Variants in MAGI2 observed in about 807,000 individuals in gnomAD.
MAGI2 encodes membrane associated guanylate kinase, WW and PDZ domain containing 2.
In MAGI2, 35 loss-of-function variants were observed where a neutral mutation model predicts 133.3. That is an observed-to-expected ratio of 0.26 (90% CI 0.20 to 0.35). MAGI2 has a LOEUF of 0.35. Among genes scored for constraint, MAGI2 ranks in the 10% least tolerant of loss-of-function variants. The pLI is 1.00. For synonymous variants in MAGI2, 729 were observed against 710.6 expected, an observed-to-expected ratio of 1.03 and a Z score of -0.41; for missense variants, 1,636 against 1,863.4, an observed-to-expected ratio of 0.88 and a Z score of 2.25.
intron 9 of MAGI2, among the ~76,000 whole-genome samples, chr7:78,338,960 C>G (rs1378741703): frequency 1.5e-4 from 23 of 151,252 alleles, no homozygotes; most frequent in Non-Finnish European, 1.5e-5. Context: ...GCCTGGGCAA[C>G]ATAGTGAGAC....
At chr7:78,577,657 G>C (rs1359193062) in intron 3 of MAGI2, among the ~76,000 whole-genome samples, 3 of 149,322 alleles carry the variant, frequency 2.0e-5, no homozygotes, top group African/African-American at 7.4e-5. Flanking sequence ...TCTCTGGCGG[G>C]CAGGAGTCGG....
At position 78,343,857 on chromosome 7, in the gene MAGI2, T is replaced by C. The variant is rs747090863; in HGVS notation, c.1329A>G (p.Gly443=). The C allele has an allele frequency of 1.2e-6, 2 of 1,613,520 alleles. No homozygotes were observed. Among genetic ancestry groups the C allele is most frequent in the Non-Finnish European group, 1.7e-6 (2 of 1,179,750 alleles). The change falls in exon 9 of 22, where the codon GGA becomes GGG. Residue 443 remains glycine, a synonymous_variant. Coordinates refer to ENST00000354212, the MANE Select transcript of MAGI2 (RefSeq NM_012301.4). The part of the protein sequence containing the change: ...NMGFGFTIIG[G]DEPDEFLQVK... Reference sequence around the variant, plus strand: ...CCTGCAGAAACTCATCAGGCTCGTCTCCACCAATGATGGTAAATCCAAAGC... The same window carrying C: ...CCTGCAGAAACTCATCAGGCTCGTCCCCACCAATGATGGTAAATCCAAAGC...
intron 1 of MAGI2, among the ~76,000 whole-genome samples, chr7:79,048,207 T>C (rs943912858): frequency 3.3e-5 from 5 of 152,294 alleles, no homozygotes; most frequent in African/African-American, 9.6e-5. Context: ...ATAATTCTAC[T>C]AGCAACTGGT....
At chr7:79,417,908 C>CA (rs1397001553) in intron 1 of MAGI2, among the ~76,000 whole-genome samples, 3 of 151,966 alleles carry the variant, frequency 2.0e-5, no homozygotes, top group African/African-American at 7.2e-5. Flanking sequence ...TGACAGATAT[C>CA]AAAAATTCTA....
intron 2 of MAGI2, among the ~76,000 whole-genome samples, chr7:78,920,006 C>T (rs1799105435): frequency 6.6e-6 from 1 of 152,084 alleles, no homozygotes; most frequent in Non-Finnish European, 1.5e-5. Context: ...TTTTGGTACT[C>T]TTACAAGAAG....
At chr7:79,132,076 TAAG>T (rs562648508) in intron 1 of MAGI2, among the ~76,000 whole-genome samples, 263 of 152,276 alleles carry the variant, frequency 1.7e-3, no homozygotes, top group African/African-American at 6.0e-3. Context: ...CAATTCAAAT[TAAG>T]AATATTAATT....
At chr7:79,326,950 T>C (rs1187694224) in intron 1 of MAGI2, among the ~76,000 whole-genome samples, 1 of 152,202 alleles carries the variant, frequency 6.6e-6, no homozygotes, top group Non-Finnish European at 1.5e-5. Context: ...CGAAAGAAGA[T>C]GTTTTCACTC....
chr7:79,396,118 A>T (rs189289689), intron 1 of MAGI2, among the ~76,000 whole-genome samples: 11 of 152,172 alleles, frequency 7.2e-5, no homozygotes, highest in Admixed American at 6.5e-4. Flanking sequence ...GCTAGCATTC[A>T]CCAAAGATCT....
intron 2 of MAGI2, among the ~76,000 whole-genome samples, chr7:78,634,674 T>G (rs1485314430): frequency 9.9e-5 from 15 of 152,224 alleles, no homozygotes; most frequent in Admixed American, 5.2e-4. Context: ...TAATTACAGT[T>G]GCTTTTGCAA....
rs372695305 is a variant in MAGI2, at chr7:78,566,025, A to G, written c.539-44380T>C. ...AACAGTGTGTAAAGATAACTATTCCAGGAAGCAATCATCAGGCTGAAAATG... is the reference window on the plus strand; with the variant it reads ...AACAGTGTGTAAAGATAACTATTCCGGGAAGCAATCATCAGGCTGAAAATG... On this transcript the variant is annotated intron_variant, in intron 3 of 21. Transcript: ENST00000354212. Among the ~76,000 whole-genome samples the G allele has an allele frequency of 7.2e-5, 11 of 152,338 alleles. No individual in the cohort carries two copies. In the East Asian group the frequency reaches 1.7e-3, roughly 24 times the overall value.
At chr7:78,050,595 C>A (rs1811906818) in intron 21 of MAGI2, among the ~76,000 whole-genome samples, 1 of 152,180 alleles carries the variant, frequency 6.6e-6, no homozygotes, top group Admixed American at 6.5e-5. Context: ...AGAGAGAAAG[C>A]AGGGGAATTG....
chr7:78,602,561 G>A (rs893499219), intron 3 of MAGI2, among the ~76,000 whole-genome samples: 4 of 152,038 alleles, frequency 2.6e-5, no homozygotes, highest in African/African-American at 9.7e-5. Context: ...CAAAATTGAG[G>A]TAGAAATGCT....
At chr7:79,075,468 T>C (rs1815377445) in intron 1 of MAGI2, among the ~76,000 whole-genome samples, 1 of 152,116 alleles carries the variant, frequency 6.6e-6, no homozygotes, top group Non-Finnish European at 1.5e-5. Flanking sequence ...GTGAATATAA[T>C]TATATCATTA....
chr7:78,790,374 G>T (rs960202541), intron 2 of MAGI2, among the ~76,000 whole-genome samples: 1 of 152,062 alleles, frequency 6.6e-6, no homozygotes, highest in Admixed American at 6.6e-5. Flanking sequence ...AGCAAAAGGG[G>T]TTCATAAAAG....
At chr7:79,422,552 A>C (rs1017314426) in intron 1 of MAGI2, among the ~76,000 whole-genome samples, 5 of 152,060 alleles carry the variant, frequency 3.3e-5, no homozygotes, top group Admixed American at 2.0e-4. Flanking sequence ...AAGCTGTCCT[A>C]AGCATTCCAC....
chr7:78,169,094 C>A (rs1418609727), intron 14 of MAGI2, among the ~76,000 whole-genome samples: 1 of 152,192 alleles, frequency 6.6e-6, no homozygotes, highest in African/African-American at 2.4e-5. Flanking sequence ...TTATAATTCC[C>A]TGAACCAGGG....
chr7:79,318,981 G>T (rs2129561424), intron 1 of MAGI2, among the ~76,000 whole-genome samples: 1 of 152,162 alleles, frequency 6.6e-6, no homozygotes, highest in Admixed American at 6.5e-5. Context: ...TTGCTTGGGA[G>T]CTGCTATTCG....
intron 1 of MAGI2, among the ~76,000 whole-genome samples, chr7:79,191,779 C>T (rs561897068): frequency 6.6e-6 from 1 of 151,698 alleles, no homozygotes; most frequent in East Asian, 1.9e-4. Flanking sequence ...AATCCATACT[C>T]CCCTTTTCTA....
chr7:78,559,319 A>C (rs957981473), intron 3 of MAGI2, among the ~76,000 whole-genome samples: 2 of 149,652 alleles, frequency 1.3e-5, no homozygotes, highest in Non-Finnish European at 3.0e-5. Flanking sequence ...TGACTTGTGT[A>C]TTAAAGAGTT....
Sources: allele counts gnomAD v4.1 joint callset (sites outside exome capture counted in the v4.1 genomes callset), GRCh38; gene constraint gnomAD v4.1.1; transcripts MANE v1.5; gene names NCBI Gene and HGNC (gene_info 2026-07-23, HGNC 2026-07-21).